Variants in NR2C2 observed in about 807,000 individuals in gnomAD.
The protein encoded by NR2C2 is Nuclear hormone receptor TR4.
In NR2C2, 6 loss-of-function variants were observed where a neutral mutation model predicts 62.9. The ratio of observed to expected loss-of-function variants is 0.10; its 90% CI spans 0.05 to 0.19. The LOEUF is 0.19. Among genes scored for constraint, NR2C2 ranks in the 10% least tolerant of loss-of-function variants. The probability of loss-of-function intolerance (pLI) is 1.00; values close to 1 mark genes in which losing one functional copy is unlikely to be tolerated. For missense variants in NR2C2, 479 were observed against 762.7 expected (o/e 0.63, Z 4.38); for synonymous variants, 272 against 273.8 (o/e 0.99, Z 0.07).
At chr3:14,982,652 AT>A (rs530978134) in intron 1 of NR2C2, among the ~76,000 whole-genome samples, 9 of 152,090 alleles carry the variant, frequency 5.9e-5, no homozygotes, top group East Asian at 1.9e-4. Context: ...TTGTTTATAG[AT>A]TTTTTTAACA....
At chr3:14,961,699 T>G (rs990983497) in intron 1 of NR2C2, among the ~76,000 whole-genome samples, 3 of 152,238 alleles carry the variant, frequency 2.0e-5, no homozygotes, top group Non-Finnish European at 4.4e-5. Context: ...CTCTTTGATC[T>G]TTAGGTGATC....
intron 1 of NR2C2, among the ~76,000 whole-genome samples, chr3:14,988,149 C>T (rs2040561032): frequency 6.6e-6 from 1 of 152,232 alleles, no homozygotes; most frequent in South Asian, 2.1e-4. Context: ...AGTAGCTCTG[C>T]AGCTTGGAAC....
intron 1 of NR2C2, among the ~76,000 whole-genome samples, chr3:14,965,968 C>T (rs2039842331): frequency 6.6e-6 from 1 of 152,006 alleles, no homozygotes; most frequent in South Asian, 2.1e-4. Context: ...CATGCCTGGC[C>T]CCTTAGTGTT....
At chr3:14,979,310 G>A (rs555919872) in intron 1 of NR2C2, among the ~76,000 whole-genome samples, 1 of 152,278 alleles carries the variant, frequency 6.6e-6, no homozygotes, top group East Asian at 1.9e-4. Context: ...GTTCATTGAT[G>A]GACTGCAAGG....
intron 10 of NR2C2, among the ~76,000 whole-genome samples, chr3:15,033,364 G>C (rs993601230): frequency 8.5e-5 from 13 of 152,176 alleles, no homozygotes; most frequent in Non-Finnish European, 1.9e-4. Flanking sequence ...GTGGGTTTCA[G>C]ATCTATAAAG....
chr3:14,954,955 C>T (rs1181443653), intron 1 of NR2C2, among the ~76,000 whole-genome samples: 1 of 152,092 alleles, frequency 6.6e-6, no homozygotes, highest in East Asian at 1.9e-4. Context: ...CACAGCCTCC[C>T]GAGTAGCTGG....
At position 15,003,816 on chromosome 3, in the gene NR2C2, A is replaced by T. The variant is rs2304409; in HGVS notation, c.-39-60A>T. 1.4e-3 allele frequency: 1,531 copies of T among 1,132,488 alleles called. 28 individuals carry two copies. The East Asian group carries it at 0.029, about 22-fold the overall frequency. 70.2% of individuals were successfully genotyped at this position (1,132,488 alleles called of 1,614,324 possible). On this transcript the variant is annotated intron_variant, in intron 1 of 13. Transcript: ENST00000425241. ...AGTGAAAGCAAGAGGCGTGGTCTTC[A>T]GGCCACCTCTGGGCATCATTCTGAA...
chr3:15,041,065 G>C (rs144648131), intron 13 of NR2C2, among the ~76,000 whole-genome samples: 464 of 152,330 alleles, frequency 3.0e-3, no homozygotes, highest in Non-Finnish European at 5.3e-3. Context: ...GGGTTGGGTA[G>C]GGTGACGACA....
intron 2 of NR2C2, among the ~76,000 whole-genome samples, chr3:15,008,677 A>G (rs1168617596): frequency 6.6e-6 from 1 of 152,202 alleles, no homozygotes; most frequent in African/African-American, 2.4e-5. Flanking sequence ...ATGGTGGTGT[A>G]TGAGATCATT....
At chr3:15,013,552 C>T (rs752012101) in intron 2 of NR2C2, 37 bp from the exon 3 acceptor site, 4 of 1,591,832 alleles carry the variant, frequency 2.5e-6, no homozygotes, top group Non-Finnish European at 2.6e-6. Context: ...GGTCTTGTGA[C>T]ACTCCATGAG....
intron 13 of NR2C2, among the ~76,000 whole-genome samples, chr3:15,040,321 A>G (rs1170874381): frequency 6.6e-6 from 1 of 152,226 alleles, no homozygotes; most frequent in Non-Finnish European, 1.5e-5. Flanking sequence ...ACCAGAAGCT[A>G]CATGAATTTC....
intron 2 of NR2C2, 114 bp downstream of exon 2, chr3:15,004,100 C>T (rs2041099666): frequency 1.4e-6 from 1 of 712,206 alleles, no homozygotes; most frequent in Non-Finnish European, 2.2e-6. Flanking sequence ...AAATACAGTA[C>T]AACTTCATCA....
At chr3:14,985,282 T>G (rs1041438911) in intron 1 of NR2C2, among the ~76,000 whole-genome samples, 6 of 152,112 alleles carry the variant, frequency 3.9e-5, no homozygotes, top group African/African-American at 1.4e-4. Flanking sequence ...GATTTTTTTA[T>G]TTTGATAGTG....
chr3:14,997,025 A>G (rs981150297), intron 1 of NR2C2, among the ~76,000 whole-genome samples: 2 of 152,238 alleles, frequency 1.3e-5, no homozygotes, highest in African/African-American at 2.4e-5. Context: ...GCCAGTGAAG[A>G]ATTTTCAATA....
chr3:14,974,487 C>T (rs1181803261), intron 1 of NR2C2, among the ~76,000 whole-genome samples: 6 of 152,082 alleles, frequency 3.9e-5, no homozygotes, highest in Admixed American at 1.3e-4. Context: ...GTGTTGACTT[C>T]ATAACAGTAT....
Position 15,013,767 on chromosome 3 carries a change from A to C in NR2C2, c.251A>C (p.Asn84Thr). The change falls in exon 3 of 14, where the codon AAC becomes ACC. Residue 84 changes from asparagine to threonine, a missense_variant. This residue lies in a region of NR2C2 where 115 missense variants were observed against 152.3 expected (regional missense o/e 0.76). Coordinates refer to ENST00000425241, the MANE Select transcript of NR2C2 (RefSeq NM_001291694.2). ...CAACTCATATTCACCACCTCAGACA[A>C]CCTCGTCCCTGGCAGGATCCAGGTA... Reference protein sequence around the residue: ...AKQLIFTTSDNLVPGRIQIVT... With the variant: ...AKQLIFTTSDTLVPGRIQIVT... 1 of 1,614,012 alleles carries C rather than the reference A, an allele frequency of 6.2e-7. No homozygotes were observed. The highest frequency in any genetic ancestry group is 8.5e-7 in the Non-Finnish European group (1 of 1,179,970).
intron 2 of NR2C2, among the ~76,000 whole-genome samples, chr3:15,004,927 A>G (rs13092743): frequency 0.15 from 22,351 of 151,736 alleles, 1,950 homozygotes; most frequent in Middle Eastern, 0.21. Flanking sequence ...CTTTTTATTT[A>G]TTTATTTTTG....
At chr3:15,022,932 T>C (rs1423860634) in intron 5 of NR2C2, among the ~76,000 whole-genome samples, 2 of 152,232 alleles carry the variant, frequency 1.3e-5, no homozygotes, top group Non-Finnish European at 2.9e-5. Context: ...TCATGGGTGC[T>C]TCCATAGGCC....
chr3:15,010,003 CT>C (rs1299332211), intron 2 of NR2C2, among the ~76,000 whole-genome samples: 1 of 152,210 alleles, frequency 6.6e-6, no homozygotes, highest in Non-Finnish European at 1.5e-5. Flanking sequence ...ATTACCTCAT[CT>C]TATCCTAATT....
Sources: gnomAD v4.1 joint callset for allele counts (sites outside exome capture counted in the v4.1 genomes callset) on GRCh38, gnomAD v4.1.1 for gene constraint, gnomAD v4.1.1 regional missense constraint, MANE v1.5 for transcripts, NCBI Gene and HGNC (gene_info 2026-07-23, HGNC 2026-07-21) for gene names.